The following NECTIN1 variants were observed in gnomAD, a reference collection of about 807,000 sequenced individuals.
NECTIN1 encodes the protein nectin cell adhesion molecule 1, also known as nectin-1.
In NECTIN1, 23 loss-of-function variants were observed where a neutral mutation model predicts 48.0. The ratio of observed to expected loss-of-function variants is 0.48; its 90% CI spans 0.34 to 0.68. NECTIN1 has a LOEUF of 0.68. Among genes scored for constraint, NECTIN1 ranks in the 30% least tolerant of loss-of-function variants. The pLI is 0.01. For missense variants in NECTIN1, 591 were observed against 709.9 expected, an observed-to-expected ratio of 0.83 and a Z score of 1.90; for synonymous variants, 270 against 288.9, an observed-to-expected ratio of 0.93 and a Z score of 0.66.
Position 119,663,871 on chromosome 11 carries a change from G to A in NECTIN1, c.*876C>T, listed in dbSNP as rs1458844410. On this transcript the variant is annotated 3_prime_UTR_variant, in exon 6 of 6. Transcript: ENST00000264025. ...AAGGGGGAATGAGGTGGAAATAGAC[G>A]GGTGGGCCTTGGGCAGTGTCTGGAT... 1 of 985,962 alleles carries A rather than the reference G, an allele frequency of 1.0e-6. No homozygotes were observed. The highest frequency in any genetic ancestry group is 1.7e-5 in the African/African-American group (1 of 57,358). The allele number at this position is 985,962 out of a possible 1,614,324, so 61.1% of individuals were successfully genotyped here.
At chr11:119,719,749 C>T (rs1865797688) in intron 1 of NECTIN1, among the ~76,000 whole-genome samples, 1 of 152,196 alleles carries the variant, frequency 6.6e-6, no homozygotes, top group South Asian at 2.1e-4. Flanking sequence ...ATGGAGCTCT[C>T]AGTCTTGTGA....
chr11:119,692,411 A>ATGTGTGTG (rs60998928), intron 1 of NECTIN1, among the ~76,000 whole-genome samples: 1 of 142,452 alleles, frequency 7.0e-6, no homozygotes, highest in Non-Finnish European at 1.6e-5. Flanking sequence ...TGTGGCAGTG[A>ATGTGTGTG]TGTGTGTGTG....
chr11:119,685,986 G>C (rs1013128568), intron 1 of NECTIN1, among the ~76,000 whole-genome samples: 4 of 152,032 alleles, frequency 2.6e-5, no homozygotes, highest in Admixed American at 2.6e-4. Context: ...CAACTTCTGG[G>C]GACCTATCTA....
intron 5 of NECTIN1, chr11:119,674,537 A>C (rs1591455554): frequency 6.2e-7 from 1 of 1,614,140 alleles, no homozygotes; most frequent in East Asian, 2.2e-5. Context: ...GTCCAGGGTC[A>C]CAGCTGTCTG....
intron 5 of NECTIN1, among the ~76,000 whole-genome samples, chr11:119,666,644 C>G (rs1249613101): frequency 6.6e-6 from 1 of 152,268 alleles, no homozygotes; most frequent in Admixed American, 6.5e-5. Context: ...AGGCTGACCT[C>G]AGCCGCTCAG....
At chr11:119,708,818 G>C (rs2044732330) in intron 1 of NECTIN1, among the ~76,000 whole-genome samples, 3 of 152,150 alleles carry the variant, frequency 2.0e-5, no homozygotes, top group South Asian at 2.1e-4. Flanking sequence ...AAGAAGGATG[G>C]ATGATGGCAG....
At chr11:119,676,698 G>A (rs1864956382) in intron 4 of NECTIN1, 1 of 302,304 alleles carries the variant, frequency 3.3e-6, no homozygotes, top group Non-Finnish European at 6.5e-6. Context: ...CAGAGAGAAG[G>A]AATAGGGACA....
rs58092893 is a variant in NECTIN1 at position 119,661,929 on chromosome 11, C to G, written c.*2818G>C. On this transcript the variant is annotated 3_prime_UTR_variant, in exon 6 of 6. Transcript: ENST00000264025. Reference sequence around the variant, plus strand: ...ACACGTACTGGGTCTGAGGTGGTCGCACTTGCAGGCCTGTGTTCACCTACT... The same window carrying G: ...ACACGTACTGGGTCTGAGGTGGTCGGACTTGCAGGCCTGTGTTCACCTACT... 1.0e-6 allele frequency: 1 copy of G among 985,388 alleles called. No individual in the cohort carries two copies. The highest frequency in any genetic ancestry group is 1.1e-4 in the East Asian group (1 of 8,798). The allele number at this position is 985,388 out of a possible 1,614,324, so 61.0% of individuals were successfully genotyped here.
intron 5 of NECTIN1, among the ~76,000 whole-genome samples, chr11:119,674,200 C>T (rs1864907430): frequency 6.6e-6 from 1 of 152,152 alleles, no homozygotes; most frequent in Admixed American, 6.5e-5. Flanking sequence ...GAGCATGTTA[C>T]TTCCTATATC....
Position 119,727,422 on chromosome 11 carries a change from C to T in NECTIN1, c.79+1053G>A, listed in dbSNP as rs958319020. On this transcript the variant is annotated intron_variant, in intron 1 of 5. Transcript: ENST00000264025. The surrounding 1 kb of genome is among the most constrained non-coding windows in gnomAD (Gnocchi z 4.1). ...CCAAAATCCCATCTTGCTAGAGCTGCAGGTCGTCTCTGGTTTCTACCCAGA... is the reference window on the plus strand; with the variant it reads ...CCAAAATCCCATCTTGCTAGAGCTGTAGGTCGTCTCTGGTTTCTACCCAGA... Among the ~76,000 whole-genome samples the T allele has an allele frequency of 2.0e-5, 3 of 152,130 alleles. No homozygotes were observed. Among genetic ancestry groups the T allele is most frequent in the Non-Finnish European group, 4.4e-5 (3 of 68,026 alleles).
chr11:119,683,184 C>A lies in NECTIN1; in HGVS notation c.80-4419G>T, dbSNP rs547634737. On this transcript the variant is annotated intron_variant, in intron 1 of 5. Coordinates refer to ENST00000264025, the MANE Select transcript of NECTIN1 (RefSeq NM_002855.5). This position sits in a 1 kb window ranked among gnomAD's most constrained non-coding sequence, Gnocchi z 4.0. Reference sequence around the variant, plus strand: ...ACAGAACACATCCTGTCTCCTTTCCCGCAGGTTCCCTCTTACATGAGAAGC... The same window carrying A: ...ACAGAACACATCCTGTCTCCTTTCCAGCAGGTTCCCTCTTACATGAGAAGC... Among the ~76,000 whole-genome samples the A allele has an allele frequency of 6.6e-6, 1 of 152,280 alleles. No homozygotes were observed. The highest frequency in any genetic ancestry group is 2.1e-4 in the South Asian group (1 of 4,824).
intron 1 of NECTIN1, among the ~76,000 whole-genome samples, chr11:119,715,845 A>G (rs933865012): frequency 6.6e-6 from 1 of 151,994 alleles, no homozygotes. Context: ...AAGAGCTGAC[A>G]CCCTCAGGGA....
At chr11:119,640,770 G>C (rs941576869) in intron 5 of NECTIN1, 4 of 152,286 alleles carry the variant, frequency 2.6e-5, no homozygotes, top group Admixed American at 6.5e-5. Flanking sequence ...TGAAGCCACA[G>C]CTGGCCCTTC....
At chr11:119,656,020 C>T (rs1864567512), downstream of NECTIN1, among the ~76,000 whole-genome samples, 2 of 152,202 alleles carry the variant, frequency 1.3e-5, no homozygotes, top group South Asian at 4.1e-4. Flanking sequence ...ACCTCAGCCT[C>T]CCAAGTAGCT....
chr11:119,664,215 A>G lies in NECTIN1; in HGVS notation c.*532T>C, dbSNP rs138678304. ...CCTCCCCCTACCTCTTGGGCGCACCAGCTGTCTAGACCCAAGGTCCAAACT... is the reference window on the plus strand; with the variant it reads ...CCTCCCCCTACCTCTTGGGCGCACCGGCTGTCTAGACCCAAGGTCCAAACT... On this transcript the variant is annotated 3_prime_UTR_variant, in exon 6 of 6. Transcript: ENST00000264025. 2,274 of 987,488 alleles carry G rather than the reference A, an allele frequency of 2.3e-3. 34 individuals carry two copies. In the East Asian group the frequency reaches 0.044, roughly 19 times the overall value. The allele number at this position is 987,488 out of a possible 1,614,324, so 61.2% of individuals were successfully genotyped here. A position where few individuals can be genotyped will look rare whatever the true frequency, so the allele number is the denominator to read the frequency against.
chr11:119,702,546 C>A (rs1213003126), intron 1 of NECTIN1, among the ~76,000 whole-genome samples: 3 of 151,878 alleles, frequency 2.0e-5, no homozygotes, highest in Non-Finnish European at 4.4e-5. Flanking sequence ...TCCACTTGCC[C>A]CCTTCTAGTC....
At chr11:119,705,779 G>A (rs552747902) in intron 1 of NECTIN1, among the ~76,000 whole-genome samples, 25 of 152,340 alleles carry the variant, frequency 1.6e-4, no homozygotes, top group African/African-American at 6.0e-4. Flanking sequence ...GCAATCATCT[G>A]GGGCATCTTG....
chr11:119,674,723 C>T, intron 5 of NECTIN1: 1 of 1,613,860 alleles, frequency 6.2e-7, no homozygotes, highest in Non-Finnish European at 8.5e-7. Flanking sequence ...TCTCCAGTCT[C>T]CCTGCTTGAG....
In NECTIN1 at chr11:119,669,962, C is replaced by CT. The variant is rs535335352; in HGVS notation, c.1004-4666dup. ...CTCAATATCACCTTCAAAATTACTA[C>CT]TTTTTTTTTTTTTTTGAGACGGAGT... On this transcript the variant is annotated intron_variant, in intron 5 of 5. Coordinates refer to ENST00000264025, the MANE Select transcript of NECTIN1 (RefSeq NM_002855.5). Among the ~76,000 whole-genome samples, 1,337 of 144,364 alleles carry CT rather than the reference C, an allele frequency of 9.3e-3. 11 individuals are homozygous for CT. The highest frequency in any genetic ancestry group is 0.021 in the African/African-American group (811 of 38,962). 94.7% of individuals were successfully genotyped at this position (144,364 alleles called of 152,430 possible).
Sources: allele counts gnomAD v4.1 joint callset (sites outside exome capture counted in the v4.1 genomes callset), GRCh38; gene constraint gnomAD v4.1.1; non-coding constraint Gnocchi (gnomAD v3.1); transcripts MANE v1.5; gene names NCBI Gene and HGNC (gene_info 2026-07-23, HGNC 2026-07-21).